KLHL3: variants seen among roughly 807,000 people sequenced by gnomAD.
The protein encoded by KLHL3 is kelch like family member 3.
KLHL3 carries 19 observed loss-of-function variants against 70.5 expected under a neutral mutation model. The observed-to-expected ratio is 0.27, with a 90% CI of 0.19 to 0.40. The LOEUF is 0.40. Ranked by LOEUF, KLHL3 falls within the 10% of genes least tolerant of loss-of-function variation. KLHL3 has a pLI of 1.00. For synonymous variants in KLHL3, 258 were observed against 290.3 expected, an observed-to-expected ratio of 0.89 and a Z score of 1.13; for missense variants, 512 against 771.1, an observed-to-expected ratio of 0.66 and a Z score of 3.98.
In KLHL3 at chr5:137,639,895, T is replaced by C; in HGVS notation, c.986A>G (p.Gln329Arg). The change falls in exon 9 of 15, where the codon CAG becomes CGG. Residue 329 changes from glutamine (Q) to arginine (R), a missense_variant. Gln to Arg is a conservative substitution (Grantham distance 43). Transcript: ENST00000309755. This position sits in a 1 kb window ranked among gnomAD's most constrained non-coding sequence, Gnocchi z 5.0. ...CYDFEEDRWD[Q>R]IAELPSRRCR... ...TCTTCTGGAAGGAAGCTCAGCAATCTGATCCCACCGGTCCTCCTCGAAATC... is the reference window on the plus strand; with the variant it reads ...TCTTCTGGAAGGAAGCTCAGCAATCCGATCCCACCGGTCCTCCTCGAAATC... The C allele has an allele frequency of 6.2e-7, 1 of 1,614,172 alleles. No individual in the cohort carries two copies. Among genetic ancestry groups the C allele is most frequent in the Non-Finnish European group, 8.5e-7 (1 of 1,180,012 alleles).
At chr5:137,689,303 C>T (rs577569834) in intron 5 of KLHL3, among the ~76,000 whole-genome samples, 5 of 152,328 alleles carry the variant, frequency 3.3e-5, no homozygotes, top group African/African-American at 9.6e-5. Flanking sequence ...AATAGAACCA[C>T]CATTTGACCC....
intron 8 of KLHL3, among the ~76,000 whole-genome samples, chr5:137,653,695 A>T (rs1276751986): frequency 6.6e-6 from 1 of 152,216 alleles, no homozygotes; most frequent in Non-Finnish European, 1.5e-5. Context: ...CAGTTTAGCA[A>T]TTTCTTATAA....
At chr5:137,693,092 T>C (rs1752363193) in intron 4 of KLHL3, among the ~76,000 whole-genome samples, 1 of 152,204 alleles carries the variant, frequency 6.6e-6, no homozygotes, top group African/African-American at 2.4e-5. Flanking sequence ...GATTAATTAC[T>C]GAACATCTAT....
chr5:137,724,618 A>G (rs1024417941), intron 1 of KLHL3, among the ~76,000 whole-genome samples: 3 of 152,188 alleles, frequency 2.0e-5, no homozygotes, highest in Non-Finnish European at 2.9e-5. Context: ...CAGTTTCCCC[A>G]AATCCATCCA....
intron 1 of KLHL3, chr5:137,720,845 C>T (rs1046547852): frequency 1.6e-6 from 2 of 1,278,270 alleles, no homozygotes; most frequent in African/African-American, 3.0e-5. Context: ...CCTTATTCTC[C>T]ATCTCTCCAT....
intron 4 of KLHL3, 47 bp from the exon 5 acceptor site, chr5:137,692,494 G>C: frequency 6.4e-7 from 1 of 1,569,996 alleles, no homozygotes. Flanking sequence ...CACTGGCAGA[G>C]ACTCATCTGC....
At chr5:137,652,026 C>T (rs1271116439) in intron 8 of KLHL3, among the ~76,000 whole-genome samples, 1 of 151,970 alleles carries the variant, frequency 6.6e-6, no homozygotes, top group Non-Finnish European at 1.5e-5. Flanking sequence ...ACTCTCACCT[C>T]ATGCACCATA....
At chr5:137,715,092 C>T (rs962901278) in intron 2 of KLHL3, among the ~76,000 whole-genome samples, 2 of 152,186 alleles carry the variant, frequency 1.3e-5, no homozygotes, top group African/African-American at 4.8e-5. Context: ...GAGTAAGAGT[C>T]ACTAGAGCTC....
intron 5 of KLHL3, among the ~76,000 whole-genome samples, chr5:137,680,937 G>C (rs895912160): frequency 6.6e-5 from 10 of 152,026 alleles, no homozygotes; most frequent in African/African-American, 1.7e-4. Context: ...AGTTTAGAAG[G>C]CTGCGCAGGA....
intron 7 of KLHL3, chr5:137,661,693 C>T: frequency 4.6e-6 from 2 of 436,368 alleles, no homozygotes; most frequent in South Asian, 5.5e-5. Flanking sequence ...AAATCCAAAA[C>T]TAATAAGCAG....
At position 137,639,022 on chromosome 5, in the gene KLHL3, G is replaced by T. The variant is rs951676369; in HGVS notation, c.1150C>A (p.Arg384=). ...AGCACCGCTGCGCCCAGTGTGCTCCGGCGCTCCTGCATGCTGGCAATGGAC... is the reference window on the plus strand; with the variant it reads ...AGCACCGCTGCGCCCAGTGTGCTCCTGCGCTCCTGCATGCTGGCAATGGAC... ...WTSIASMQER[R]STLGAAVLND... is the part of the protein sequence containing the mutation. The change falls in exon 10 of 15, where the codon CGG becomes AGG. Residue 384 remains arginine (R), a synonymous_variant. Transcript: ENST00000309755. This position sits in a 1 kb window ranked among gnomAD's most constrained non-coding sequence, Gnocchi z 5.0. The T allele has an allele frequency of 6.2e-7, 1 of 1,614,130 alleles. No homozygotes were observed. Among genetic ancestry groups the T allele is most frequent in the Non-Finnish European group, 8.5e-7 (1 of 1,180,016 alleles).
chr5:137,693,660 C>G (rs1302288268), intron 4 of KLHL3, among the ~76,000 whole-genome samples: 1 of 152,166 alleles, frequency 6.6e-6, no homozygotes, highest in Non-Finnish European at 1.5e-5. Flanking sequence ...TTTAAGGCTG[C>G]TTATCTTGGG....
At chr5:137,702,636 T>C (rs1561613165) in intron 3 of KLHL3, among the ~76,000 whole-genome samples, 1 of 152,148 alleles carries the variant, frequency 6.6e-6, no homozygotes, top group Non-Finnish European at 1.5e-5. Context: ...GATTTTTATA[T>C]TGGGAAAATC....
At position 137,735,738 on chromosome 5, in the gene KLHL3, G is replaced by A. The variant is rs1753251057; in HGVS notation, c.-92C>T. The A allele has an allele frequency of 4.5e-6, 7 of 1,567,526 alleles. No individual in the cohort carries two copies. In the African/African-American group the frequency reaches 6.8e-5, roughly 15 times the overall value. On this transcript the variant is annotated 5_prime_UTR_variant, in exon 1 of 15. Coordinates refer to ENST00000309755, the MANE Select transcript of KLHL3 (RefSeq NM_017415.3). ...CTTGATTCTCCCAGCAGACCAGTGG[G>A]AAATCTGATCAGCAACAGTGATTCA...
intron 6 of KLHL3, 111 bp from the exon 7 acceptor site, chr5:137,662,142 C>G (rs1751493897): frequency 3.2e-6 from 2 of 615,718 alleles, no homozygotes; most frequent in Non-Finnish European, 5.8e-6. Context: ...TATGAGTCAT[C>G]CACAAAGGTG....
At chr5:137,646,537 C>T (rs1370291968) in intron 8 of KLHL3, among the ~76,000 whole-genome samples, 2 of 152,128 alleles carry the variant, frequency 1.3e-5, no homozygotes, top group Non-Finnish European at 2.9e-5. Flanking sequence ...TAGGCAAATA[C>T]GAGTATTTCC....
chr5:137,669,411 A>C (rs539567876), intron 6 of KLHL3, among the ~76,000 whole-genome samples: 1 of 150,510 alleles, frequency 6.6e-6, no homozygotes, highest in South Asian at 2.1e-4. Context: ...AAAAGCATGA[A>C]TGAATGTATG....
chr5:137,671,414 T>G (rs1178325362), intron 6 of KLHL3, among the ~76,000 whole-genome samples: 1 of 152,152 alleles, frequency 6.6e-6, no homozygotes, highest in South Asian at 2.1e-4. Context: ...TATGGACACA[T>G]GTTTTCAGTC....
In KLHL3 at chr5:137,730,588, C is replaced by T. The variant is rs573883090; in HGVS notation, c.14+5045G>A. Reference sequence around the variant, plus strand: ...TATGTTACTAATCACATTCCTAAAACCCCAAGTCACAAACTGCTTTCTTTA... The same window carrying T: ...TATGTTACTAATCACATTCCTAAAATCCCAAGTCACAAACTGCTTTCTTTA... On this transcript the variant is annotated intron_variant, in intron 1 of 14. Coordinates refer to ENST00000309755, the MANE Select transcript of KLHL3 (RefSeq NM_017415.3). Among the ~76,000 whole-genome samples, 6 of 152,310 alleles carry T rather than the reference C, an allele frequency of 3.9e-5. No individual in the cohort carries two copies. The East Asian group carries it at 1.2e-3, about 29-fold the overall frequency.
Sources: gnomAD v4.1 joint callset for allele counts (sites outside exome capture counted in the v4.1 genomes callset) on GRCh38, gnomAD v4.1.1 for gene constraint, Gnocchi (gnomAD v3.1) non-coding constraint, MANE v1.5 for transcripts, NCBI Gene and HGNC (gene_info 2026-07-23, HGNC 2026-07-21) for gene names.